The following MAL2 variants were observed in gnomAD, a reference collection of about 807,000 sequenced individuals.
The protein encoded by MAL2 is protein MAL2.
MAL2 carries 17 observed loss-of-function variants against 18.1 expected under a neutral mutation model. That is an observed-to-expected ratio of 0.94 (90% CI 0.64 to 1.41). MAL2 has a LOEUF of 1.41. Among genes scored for constraint, MAL2 ranks in the 40% most tolerant of loss-of-function variants. The probability of loss-of-function intolerance (pLI) is 0.00; values close to 1 mark genes in which losing one functional copy is unlikely to be tolerated. For missense variants in MAL2, 222 were observed against 231.9 expected, an observed-to-expected ratio of 0.96 and a Z score of 0.28; for synonymous variants, 102 against 102.3, an observed-to-expected ratio of 1.00 and a Z score of 0.02.
At chr8:119,230,962 G>A (rs1333663674) in intron 2 of MAL2, among the ~76,000 whole-genome samples, 1 of 152,154 alleles carries the variant, frequency 6.6e-6, no homozygotes, top group African/African-American at 2.4e-5. Context: ...GCACACCTTT[G>A]TAGTTCTTAC....
In MAL2 at chr8:119,208,413, C is replaced by T. The variant is rs866119770; in HGVS notation, c.-60C>T. 5.0e-6 allele frequency: 5 copies of T among 993,302 alleles called. No individual in the cohort carries two copies. The highest frequency in any genetic ancestry group is 6.1e-6 in the Non-Finnish European group (5 of 816,476). The allele number at this position is 993,302 out of a possible 1,614,324, so 61.5% of individuals were successfully genotyped here. Reference sequence around the variant, plus strand: ...GGCGGCGGCGGCGGCGGCAGGAGCCCGGGAGGCGGAGGCGGGAGGCGGCGG... The same window carrying T: ...GGCGGCGGCGGCGGCGGCAGGAGCCTGGGAGGCGGAGGCGGGAGGCGGCGG... On this transcript the variant is annotated 5_prime_UTR_variant, in exon 1 of 4. Transcript: ENST00000614891. This position sits in a 1 kb window ranked among gnomAD's most constrained non-coding sequence, Gnocchi z 4.3.
rs1375464355 is a variant in MAL2, at chr8:119,243,425, C to T, written c.468C>T (p.Ala156=). The T allele has an allele frequency of 1.3e-6, 2 of 1,591,710 alleles. No homozygotes were observed. The highest frequency in any genetic ancestry group is 1.7e-6 in the Non-Finnish European group (2 of 1,167,914). Residue 156 remains alanine (A), a synonymous_variant, in exon 4 of 4, where the codon GCC becomes GCT. Transcript: ENST00000614891. ...YNINVAASIF[A]FMTTACYGCS... ...TGTTTCTTTTTTCTTAGATTTTTGC[C>T]TTTATGACGACAGCTTGTTATGGTT...
At chr8:119,222,142 AT>A (rs201672790) in intron 2 of MAL2, among the ~76,000 whole-genome samples, 29 of 151,240 alleles carry the variant, frequency 1.9e-4, no homozygotes, top group South Asian at 6.3e-4. Context: ...TTAAATATGT[AT>A]TTTTTTTTCA....
chr8:119,215,935 T>C (rs1196909893), intron 1 of MAL2, among the ~76,000 whole-genome samples: 1 of 152,204 alleles, frequency 6.6e-6, no homozygotes, highest in Non-Finnish European at 1.5e-5. Context: ...GCTAAGTATG[T>C]TTCTAGTTTA....
rs1319963355 is a variant in MAL2, at chr8:119,229,754, C to T, written c.303+7997C>T. On this transcript the variant is annotated intron_variant, in intron 2 of 3. Coordinates refer to ENST00000614891, the MANE Select transcript of MAL2 (RefSeq NM_052886.3). ...TGCACATACAATACAGCTGCTGTCCCTTTCAACCTTGCAACCACATAGGAG... is the reference window on the plus strand; with the variant it reads ...TGCACATACAATACAGCTGCTGTCCTTTTCAACCTTGCAACCACATAGGAG... Among the ~76,000 whole-genome samples the T allele has an allele frequency of 2.0e-5, 3 of 152,206 alleles. No homozygotes were observed. The East Asian group carries it at 5.8e-4, about 29-fold the overall frequency.
At chr8:119,231,480 C>T (rs1245013620) in intron 2 of MAL2, among the ~76,000 whole-genome samples, 1 of 152,066 alleles carries the variant, frequency 6.6e-6, no homozygotes, top group African/African-American at 2.4e-5. Flanking sequence ...CAAAGGGAAC[C>T]CTTGCACACT....
rs1456433355 is a variant in MAL2, at chr8:119,243,621, C to T, written c.*133C>T. 2 of 599,184 alleles carry T rather than the reference C, an allele frequency of 3.3e-6. No homozygotes were observed. Among genetic ancestry groups the T allele is most frequent in the Non-Finnish European group, 2.6e-6 (1 of 389,116 alleles). 37.1% of individuals were successfully genotyped at this position (599,184 alleles called of 1,614,324 possible). A position where few individuals can be genotyped will look rare whatever the true frequency, so the allele number is the denominator to read the frequency against. ...GTGTTTAGTAGAGAGAGACTCTAAGCTCAAGTTCTGGTTTATTTCATGGAT... is the reference window on the plus strand; with the variant it reads ...GTGTTTAGTAGAGAGAGACTCTAAGTTCAAGTTCTGGTTTATTTCATGGAT... On this transcript the variant is annotated 3_prime_UTR_variant, in exon 4 of 4. Coordinates refer to ENST00000614891, the MANE Select transcript of MAL2 (RefSeq NM_052886.3).
At chr8:119,212,863 C>G (rs958563413) in intron 1 of MAL2, among the ~76,000 whole-genome samples, 5 of 152,192 alleles carry the variant, frequency 3.3e-5, no homozygotes, top group African/African-American at 1.2e-4. Context: ...GACTCAGGTT[C>G]TGGTTTGCTG....
rs765848577 is a variant in MAL2, at chr8:119,240,309, G to C, written c.448G>C (p.Val150Leu). 1 of 1,613,024 alleles carries C rather than the reference G, an allele frequency of 6.2e-7. No individual in the cohort carries two copies. The highest frequency in any genetic ancestry group is 1.1e-5 in the South Asian group (1 of 90,946). ...GAGTGATAACCAGTATAACATAAACGTAGCAGCCTCAGTAAGTATTCATAT... is the reference window on the plus strand; with the variant it reads ...GAGTGATAACCAGTATAACATAAACCTAGCAGCCTCAGTAAGTATTCATAT... Reference protein sequence around the residue: ...LLSDNQYNINVAASIFAFMTT... With the variant: ...LLSDNQYNINLAASIFAFMTT... The change falls in exon 3 of 4, where the codon GTA becomes CTA. Residue 150 changes from valine to leucine, a missense_variant. Physicochemically the swap from Val to Leu is conservative, Grantham distance 32. Transcript: ENST00000614891.
chr8:119,223,327 G>C (rs1817507789), intron 2 of MAL2: 2 of 152,202 alleles, frequency 1.3e-5, no homozygotes, highest in African/African-American at 2.4e-5. Flanking sequence ...GATCTGGTTT[G>C]CTTAGTAGCT....
At chr8:119,239,367 C>T (rs7461623) in intron 2 of MAL2, among the ~76,000 whole-genome samples, 86,988 of 151,038 alleles carry the variant, frequency 0.58, 26,833 homozygotes, top group Non-Finnish European at 0.7. Flanking sequence ...GTCAGTGTGG[C>T]GATTCCTCAG....
intron 3 of MAL2, among the ~76,000 whole-genome samples, chr8:119,242,881 C>T (rs1039722511): frequency 6.6e-6 from 1 of 152,206 alleles, no homozygotes; most frequent in African/African-American, 2.4e-5. Flanking sequence ...AAGAAATTCT[C>T]ATTAATTCCA....
chr8:119,238,205 A>T (rs555337516), intron 2 of MAL2, among the ~76,000 whole-genome samples: 1 of 152,328 alleles, frequency 6.6e-6, no homozygotes, highest in African/African-American at 2.4e-5. Flanking sequence ...AAGAGAATAA[A>T]ATACCTAGGA....
At position 119,244,067 on chromosome 8, in the gene MAL2, T is replaced by C. The variant is rs1317754994; in HGVS notation, c.*579T>C. On this transcript the variant is annotated 3_prime_UTR_variant, in exon 4 of 4. Transcript: ENST00000614891. Reference sequence around the variant, plus strand: ...GAAATGAATGAGTGTGGTTATGTTCTAATAAAACTTATTTATAAAAACAAG... The same window carrying C: ...GAAATGAATGAGTGTGGTTATGTTCCAATAAAACTTATTTATAAAAACAAG... 4 of 152,180 alleles carry C rather than the reference T, an allele frequency of 2.6e-5. No homozygotes were observed. Among genetic ancestry groups the C allele is most frequent in the African/African-American group, 9.7e-5 (4 of 41,446 alleles). The allele number at this position is 152,180 out of a possible 1,614,324, so 9.4% of individuals were successfully genotyped here. A position where few individuals can be genotyped will look rare whatever the true frequency, so the allele number is the denominator to read the frequency against.
chr8:119,242,660 A>G (rs568839506), intron 3 of MAL2, among the ~76,000 whole-genome samples: 17 of 152,324 alleles, frequency 1.1e-4, no homozygotes, highest in Admixed American at 5.2e-4. Context: ...AAAATGGTCT[A>G]TAGGTGAATC....
intron 1 of MAL2, among the ~76,000 whole-genome samples, chr8:119,210,601 A>G (rs997595495): frequency 1.3e-5 from 2 of 152,216 alleles, no homozygotes; most frequent in Non-Finnish European, 2.9e-5. Context: ...TTCAGAGCCT[A>G]GAGAAGACAG....
rs1554641130 is a variant in MAL2, at chr8:119,244,316, T to TTCTCAGACTA, written c.*834_*835insACTATCTCAG. Reference sequence around the variant, plus strand: ...TTACCTTTGGAGGAATGTATAAAATTTCTCAGGCAGAGTCCTGGATATAGG... The same window carrying TTCTCAGACTA: ...TTACCTTTGGAGGAATGTATAAAATTTCTCAGACTATCTCAGGCAGAGTCCTGGATATAGG... On this transcript the variant is annotated 3_prime_UTR_variant, in exon 4 of 4. Coordinates refer to ENST00000614891, the MANE Select transcript of MAL2 (RefSeq NM_052886.3). The TTCTCAGACTA allele has an allele frequency of 1.3e-5, 2 of 152,188 alleles. No homozygotes were observed. Among genetic ancestry groups the TTCTCAGACTA allele is most frequent in the African/African-American group, 4.8e-5 (2 of 41,456 alleles). 9.4% of individuals were successfully genotyped at this position (152,188 alleles called of 1,614,324 possible).
At chr8:119,211,370 T>C (rs1329982929) in intron 1 of MAL2, among the ~76,000 whole-genome samples, 3 of 152,244 alleles carry the variant, frequency 2.0e-5, no homozygotes, top group Admixed American at 1.3e-4. Flanking sequence ...CGTTTGTCTT[T>C]AAGAGTTCTT....
chr8:119,224,661 CCCAACA>C (rs1817545510), intron 2 of MAL2, among the ~76,000 whole-genome samples: 3 of 151,924 alleles, frequency 2.0e-5, no homozygotes, highest in Non-Finnish European at 4.4e-5. Flanking sequence ...ATACATTGTA[CCCAACA>C]TGTAGTTTTT....
Sources: allele counts gnomAD v4.1 joint callset (sites outside exome capture counted in the v4.1 genomes callset), GRCh38; gene constraint gnomAD v4.1.1; non-coding constraint Gnocchi (gnomAD v3.1); transcripts MANE v1.5; gene names NCBI Gene and HGNC (gene_info 2026-07-23, HGNC 2026-07-21).